TTBK2: variants seen among roughly 807,000 people sequenced by gnomAD.
TTBK2 encodes the protein tau tubulin kinase 2.
TTBK2 carries 28 observed loss-of-function variants against 110.8 expected under a neutral mutation model. The ratio of observed to expected loss-of-function variants is 0.25; its 90% CI spans 0.19 to 0.35. The LOEUF is 0.35. Among genes scored for constraint, TTBK2 ranks in the 10% least tolerant of loss-of-function variants. TTBK2 has a pLI of 1.00. For missense variants in TTBK2, 1,369 were observed against 1,500.3 expected, an observed-to-expected ratio of 0.91 and a Z score of 1.45; for synonymous variants, 532 against 527.3, an observed-to-expected ratio of 1.01 and a Z score of -0.12.
Position 42,896,253 on chromosome 15 carries a change from G to A in TTBK2, c.-67-17569C>T, listed in dbSNP as rs368028667. Among the ~76,000 whole-genome samples, 89 of 151,790 alleles carry A rather than the reference G, an allele frequency of 5.9e-4. 3 individuals are homozygous for A. In the East Asian group the frequency reaches 0.017, roughly 28 times the overall value. On this transcript the variant is annotated intron_variant, in intron 1 of 14. Transcript: ENST00000267890. ...TGAGGCAGGAGAATTGCTTGAACCC[G>A]GGAGGCAGAGGTTGCAGTGAGCTGA...
rs2061746802 is a variant in TTBK2 at position 42,741,044 on chromosome 15, T to G, written c.*4751A>C. ...ACCTAAGAACTATAGGAATTCTCCA[T>G]GTACCTCCTACAGTTTTTCTAGCAG... On this transcript the variant is annotated 3_prime_UTR_variant, in exon 15 of 15. Transcript: ENST00000267890. 1 of 152,224 alleles carries G rather than the reference T, an allele frequency of 6.6e-6. No individual in the cohort carries two copies. Among genetic ancestry groups the G allele is most frequent in the Non-Finnish European group, 1.5e-5 (1 of 68,040 alleles). 9.4% of individuals were successfully genotyped at this position (152,224 alleles called of 1,614,324 possible). A position where few individuals can be genotyped will look rare whatever the true frequency, so the allele number is the denominator to read the frequency against.
At chr15:42,893,506 T>C (rs912802835) in intron 1 of TTBK2, among the ~76,000 whole-genome samples, 1 of 151,224 alleles carries the variant, frequency 6.6e-6, no homozygotes, top group Admixed American at 6.6e-5. Context: ...AATATATATA[T>C]AATATTAAAA....
chr15:42,808,832 C>A (rs190759686), intron 9 of TTBK2, among the ~76,000 whole-genome samples: 2 of 152,128 alleles, frequency 1.3e-5, no homozygotes, highest in Non-Finnish European at 2.9e-5. Context: ...GCCTTGCTGA[C>A]AGACCGAGAC....
intron 3 of TTBK2, chr15:42,871,420 G>T: frequency 1.0e-6 from 1 of 984,944 alleles, no homozygotes; most frequent in Non-Finnish European, 1.2e-6. Context: ...TCCTGAAGGG[G>T]TGGCAAAGCT....
At chr15:42,867,125 T>G (rs1253373305) in intron 3 of TTBK2, among the ~76,000 whole-genome samples, 3 of 151,646 alleles carry the variant, frequency 2.0e-5, no homozygotes, top group Non-Finnish European at 4.4e-5. Context: ...GCGCCTGTAG[T>G]CCCAGCTACT....
At position 42,752,214 on chromosome 15, in the gene TTBK2, G is replaced by A. The variant is rs1247319634; in HGVS notation, c.3032C>T (p.Pro1011Leu). ...CACTTCCTCCTCACAAAAGGGAGCA[G>A]GAACAGTAGCTAGTTTCTCCTCTAG... ...KLLEEKLATV[P>L]APFCEEEVLT... Residue 1011 changes from proline to leucine, a missense_variant, in exon 14 of 15, where the codon CCT becomes CTT. Transcript: ENST00000267890. 1 of 1,613,976 alleles carries A rather than the reference G, an allele frequency of 6.2e-7. No homozygotes were observed. Among genetic ancestry groups the A allele is most frequent in the Non-Finnish European group, 8.5e-7 (1 of 1,179,978 alleles).
intron 11 of TTBK2, 73 bp downstream of exon 11, chr15:42,783,346 G>C: frequency 6.8e-7 from 1 of 1,463,380 alleles, no homozygotes; most frequent in South Asian, 1.1e-5. Flanking sequence ...AATCTGCCTA[G>C]CCTTCCTTCT....
chr15:42,897,962 G>A (rs1895734162), intron 1 of TTBK2, among the ~76,000 whole-genome samples: 1 of 152,036 alleles, frequency 6.6e-6, no homozygotes, highest in Non-Finnish European at 1.5e-5. Context: ...GGCCAAGGCA[G>A]GCAGATCCAT....
chr15:42,821,315 T>C (rs889436483), intron 6 of TTBK2, among the ~76,000 whole-genome samples: 4 of 152,140 alleles, frequency 2.6e-5, no homozygotes, highest in South Asian at 2.1e-4. Context: ...ATGAGTAGAT[T>C]TGGAATAGGC....
At chr15:42,769,889 G>A (rs1889583042) in intron 13 of TTBK2, among the ~76,000 whole-genome samples, 1 of 152,196 alleles carries the variant, frequency 6.6e-6, no homozygotes, top group Non-Finnish European at 1.5e-5. Flanking sequence ...TTAAGAAAAT[G>A]TGGCACATAT....
intron 1 of TTBK2, among the ~76,000 whole-genome samples, chr15:42,880,537 C>T (rs1305884549): frequency 5.9e-5 from 9 of 152,132 alleles, no homozygotes. Flanking sequence ...CAGGCACGCA[C>T]TACCATACCT....
At chr15:42,804,248 C>A (rs540684136) in intron 9 of TTBK2, among the ~76,000 whole-genome samples, 8 of 148,806 alleles carry the variant, frequency 5.4e-5, no homozygotes, top group African/African-American at 2.1e-4. Context: ...AGTTCGAGAC[C>A]AGCCTGACCA....
rs904075445 is a variant in TTBK2 at position 42,758,435 on chromosome 15, C to T, written c.1999-5188G>A. Among the ~76,000 whole-genome samples, 4 of 152,200 alleles carry T rather than the reference C, an allele frequency of 2.6e-5. No homozygotes were observed. The East Asian group carries it at 7.7e-4, about 29-fold the overall frequency. Reference sequence around the variant, plus strand: ...CTTTGGGAGGCCGAGGCAGGCAGATCACCTGAGGTCAGGAGTTCAAGACCA... The same window carrying T: ...CTTTGGGAGGCCGAGGCAGGCAGATTACCTGAGGTCAGGAGTTCAAGACCA... On this transcript the variant is annotated intron_variant, in intron 13 of 14. Coordinates refer to ENST00000267890, the MANE Select transcript of TTBK2 (RefSeq NM_173500.4).
In TTBK2 at chr15:42,752,626, G is replaced by A; in HGVS notation, c.2620C>T (p.Gln874Ter). The change falls in exon 14 of 15, where the codon CAA becomes TAA. Residue 874 changes from glutamine to a stop codon, truncating the protein, a stop_gained. Coordinates refer to ENST00000267890, the MANE Select transcript of TTBK2 (RefSeq NM_173500.4). LOFTEE classifies it high-confidence loss of function. The stretch of plus-strand genomic sequence containing the variant: ...TCATCCTTAGATATCTTATTTTTTT[G>A]CATTTCTGCCACTTGGCCTATCTGA... ...EGQIGQVAEM[Q>*]KNKISKDDDI... is the part of the protein sequence containing the mutation. 3 of 1,613,872 alleles carry A rather than the reference G, an allele frequency of 1.9e-6. No homozygotes were observed. Among genetic ancestry groups the A allele is most frequent in the Non-Finnish European group, 2.5e-6 (3 of 1,179,984 alleles).
At chr15:42,843,390 A>G (rs1470793029) in intron 3 of TTBK2, among the ~76,000 whole-genome samples, 1 of 152,234 alleles carries the variant, frequency 6.6e-6, no homozygotes, top group Non-Finnish European at 1.5e-5. Context: ...GGTATAAATA[A>G]TAACTAGTCA....
intron 6 of TTBK2, among the ~76,000 whole-genome samples, chr15:42,825,125 A>ATAC (rs1304947727): frequency 6.6e-6 from 1 of 152,078 alleles, no homozygotes; most frequent in Non-Finnish European, 1.5e-5. Context: ...AATAATAATA[A>ATAC]TAAATGTAAA....
chr15:42,765,609 C>G (rs908435555), intron 13 of TTBK2, among the ~76,000 whole-genome samples: 39 of 152,080 alleles, frequency 2.6e-4, no homozygotes, highest in Non-Finnish European at 4.4e-5. Flanking sequence ...CAAGAAATAT[C>G]GGACTATGTG....
At chr15:42,821,053 A>AAG (rs1892271908) in intron 6 of TTBK2, among the ~76,000 whole-genome samples, 1 of 152,184 alleles carries the variant, frequency 6.6e-6, no homozygotes, top group Non-Finnish European at 1.5e-5. Context: ...AGAAAAAAAA[A>AAG]AAGAATGAGG....
At chr15:42,767,654 C>T (rs533884680) in intron 13 of TTBK2, among the ~76,000 whole-genome samples, 7 of 152,064 alleles carry the variant, frequency 4.6e-5, no homozygotes, top group African/African-American at 9.7e-5. Context: ...CAGGACCAGA[C>T]GGATTCATAG....
Sources: allele counts gnomAD v4.1 joint callset (sites outside exome capture counted in the v4.1 genomes callset), GRCh38; gene constraint gnomAD v4.1.1; transcripts MANE v1.5; gene names NCBI Gene and HGNC (gene_info 2026-07-23, HGNC 2026-07-21).